GATAD2B: variants seen among roughly 807,000 people sequenced by gnomAD.
The protein encoded by GATAD2B is transcriptional repressor p66-beta.
Under a neutral mutation model 64.3 loss-of-function variants are expected in GATAD2B, and 8 were observed. The observed-to-expected ratio is 0.12, with a 90% CI of 0.07 to 0.22. The LOEUF is 0.22. Among genes scored for constraint, GATAD2B ranks in the 10% least tolerant of loss-of-function variants. The probability of loss-of-function intolerance (pLI) is 1.00; values close to 1 mark genes in which losing one functional copy is unlikely to be tolerated. For synonymous variants in GATAD2B, 281 were observed against 271.3 expected, an observed-to-expected ratio of 1.04 and a Z score of -0.35; for missense variants, 453 against 752.0, an observed-to-expected ratio of 0.60 and a Z score of 4.65.
rs1676215253 is a variant in GATAD2B, at chr1:153,859,824, G to A, written c.-1-31476C>T. ...CTTTAATAGCGTCCTAGTTTGGAGG[G>A]TAAATTATATGGTCATCCCTATCTC... On this transcript the variant is annotated intron_variant, in intron 1 of 10. Coordinates refer to ENST00000368655, the MANE Select transcript of GATAD2B (RefSeq NM_020699.4). 2.6e-5 allele frequency among the ~76,000 whole-genome samples: 4 copies of A among 151,018 alleles called. No individual in the cohort carries two copies. In the South Asian group the frequency reaches 6.3e-4, roughly 24 times the overall value.
intron 1 of GATAD2B, among the ~76,000 whole-genome samples, chr1:153,855,591 G>A (rs1676057332): frequency 6.6e-6 from 1 of 152,116 alleles, no homozygotes; most frequent in African/African-American, 2.4e-5. Context: ...AATACAAATT[G>A]TATTACCTTT....
At chr1:153,850,048 A>AT (rs1408601123) in intron 1 of GATAD2B, among the ~76,000 whole-genome samples, 2 of 151,922 alleles carry the variant, frequency 1.3e-5, no homozygotes, top group African/African-American at 4.8e-5. Context: ...CTGTTTTCTT[A>AT]TTTTTTGTCA....
intron 1 of GATAD2B, among the ~76,000 whole-genome samples, chr1:153,876,100 T>C (rs1676819395): frequency 6.6e-6 from 1 of 151,744 alleles, no homozygotes; most frequent in African/African-American, 2.4e-5. Flanking sequence ...TGGTGGCGCA[T>C]GCCTGTAGTC....
In GATAD2B at chr1:153,818,826, G is replaced by C. The variant is rs1429844215; in HGVS notation, c.562C>G (p.Gln188Glu). The part of the protein sequence containing the change: ...ARLVLLKKLR[Q>E]SQLQKENVVQ... The stretch of plus-strand genomic sequence containing the variant: ...ACATTCTCTTTCTGTAGCTGACTCT[G>C]TCTCAGTTTCTTTAACAGGACCAGT... The change falls in exon 4 of 11, where the codon CAG becomes GAG. Residue 188 changes from glutamine to glutamate, a missense_variant. Around this residue, in one of 2 missense-constraint regions of GATAD2B, gnomAD observed 293 missense variants for 417.2 expected, o/e 0.70. Transcript: ENST00000368655. 2 of 1,613,458 alleles carry C rather than the reference G, an allele frequency of 1.2e-6. No individual in the cohort carries two copies. The highest frequency in any genetic ancestry group is 1.7e-6 in the Non-Finnish European group (2 of 1,179,892).
At chr1:153,889,234 A>G (rs1249068755) in intron 1 of GATAD2B, among the ~76,000 whole-genome samples, 1 of 151,568 alleles carries the variant, frequency 6.6e-6, no homozygotes, top group Non-Finnish European at 1.5e-5. Context: ...CCAACATGGA[A>G]AAAACCTATC....
At chr1:153,903,909 G>A (rs920195473) in intron 1 of GATAD2B, among the ~76,000 whole-genome samples, 2 of 152,192 alleles carry the variant, frequency 1.3e-5, no homozygotes, top group East Asian at 1.9e-4. Context: ...ACCTGAGTTC[G>A]GGAAGTGAAG....
chr1:153,859,002 G>T (rs1676181569), intron 1 of GATAD2B, among the ~76,000 whole-genome samples: 1 of 152,146 alleles, frequency 6.6e-6, no homozygotes, highest in African/African-American at 2.4e-5. Flanking sequence ...GATGTTGCTT[G>T]AGACAGGATA....
chr1:153,893,075 C>T (rs1279814904), intron 1 of GATAD2B, among the ~76,000 whole-genome samples: 1 of 152,092 alleles, frequency 6.6e-6, no homozygotes, highest in East Asian at 1.9e-4. Context: ...TACCTAAACA[C>T]AGTACAAGAG....
At chr1:153,832,081 G>T (rs1030214291) in intron 1 of GATAD2B, among the ~76,000 whole-genome samples, 1 of 152,152 alleles carries the variant, frequency 6.6e-6, no homozygotes, top group African/African-American at 2.4e-5. Context: ...CGGGTGTTGT[G>T]GCACATGCCT....
At chr1:153,894,651 A>G (rs1677526595) in intron 1 of GATAD2B, among the ~76,000 whole-genome samples, 1 of 151,802 alleles carries the variant, frequency 6.6e-6, no homozygotes, top group Non-Finnish European at 1.5e-5. Flanking sequence ...TCACGAGGTC[A>G]GAAGATTGAG....
chr1:153,859,422 C>A (rs1242224128), intron 1 of GATAD2B, among the ~76,000 whole-genome samples: 1 of 150,414 alleles, frequency 6.6e-6, no homozygotes, highest in Non-Finnish European at 1.5e-5. Flanking sequence ...ATAACCCCGG[C>A]ACTTTGGGAG....
chr1:153,858,831 G>A (rs761374300), intron 1 of GATAD2B, among the ~76,000 whole-genome samples: 4 of 152,156 alleles, frequency 2.6e-5, no homozygotes, highest in Non-Finnish European at 5.9e-5. Flanking sequence ...ATGAAAAGGG[G>A]TCAGAGAGTG....
At chr1:153,876,315 T>C (rs1676833901) in intron 1 of GATAD2B, among the ~76,000 whole-genome samples, 1 of 148,316 alleles carries the variant, frequency 6.7e-6, no homozygotes, top group Admixed American at 6.8e-5. Flanking sequence ...CTGTCTTACC[T>C]GAGTCAATGT....
intron 1 of GATAD2B, among the ~76,000 whole-genome samples, chr1:153,859,419 C>T (rs117625583): frequency 0.014 from 2,080 of 150,870 alleles, 113 homozygotes; most frequent in East Asian, 0.096. Context: ...CCTATAACCC[C>T]GGCACTTTGG....
At chr1:153,838,144 T>A (rs534893430) in intron 1 of GATAD2B, among the ~76,000 whole-genome samples, 2 of 152,198 alleles carry the variant, frequency 1.3e-5, no homozygotes, top group Non-Finnish European at 2.9e-5. Flanking sequence ...TCTAGCTCAT[T>A]TCCAAAATCT....
Position 153,812,069 on chromosome 1 carries a change from T to C in GATAD2B, c.1483A>G (p.Ser495Gly), listed in dbSNP as rs1364279581. The C allele has an allele frequency of 6.2e-7, 1 of 1,613,330 alleles. No homozygotes were observed. Among genetic ancestry groups the C allele is most frequent in the Non-Finnish European group, 8.5e-7 (1 of 1,179,494 alleles). Residue 495 changes from serine to glycine, a missense_variant, in exon 9 of 11, where the codon AGT becomes GGT. Coordinates refer to ENST00000368655, the MANE Select transcript of GATAD2B (RefSeq NM_020699.4). ...ATGATGGTCTCTTGTTTACTGACAC[T>C]GGACACAGCTGGAGCCGTAGTGGGG... ...LSPTTAPAVS[S>G]VSKQETIMRH... is the part of the protein sequence containing the mutation.
intron 2 of GATAD2B, among the ~76,000 whole-genome samples, chr1:153,823,531 G>A (rs921925735): frequency 3.3e-5 from 5 of 151,916 alleles, no homozygotes; most frequent in African/African-American, 1.2e-4. Flanking sequence ...TTTTTTCTTG[G>A]TAGAGATGAG....
chr1:153,916,860 G>A lies in GATAD2B; in HGVS notation c.-2+5873C>T, dbSNP rs1678281170. ...GTCTCACTCTGTTGACCAGGCTAGAGCACAGTGGCACAATCTCGGCTCACT... is the reference window on the plus strand; with the variant it reads ...GTCTCACTCTGTTGACCAGGCTAGAACACAGTGGCACAATCTCGGCTCACT... On this transcript the variant is annotated intron_variant, in intron 1 of 10. Coordinates refer to ENST00000368655, the MANE Select transcript of GATAD2B (RefSeq NM_020699.4). Among the ~76,000 whole-genome samples the A allele has an allele frequency of 2.6e-5, 4 of 152,180 alleles. No homozygotes were observed. In the South Asian group the frequency reaches 8.4e-4, roughly 32 times the overall value.
intron 1 of GATAD2B, among the ~76,000 whole-genome samples, chr1:153,911,631 G>A (rs1375789364): frequency 6.6e-6 from 1 of 152,104 alleles, no homozygotes; most frequent in East Asian, 1.9e-4. Flanking sequence ...AGCTACTCGG[G>A]AGGCTGAGGC....
Sources: gnomAD v4.1 joint callset for allele counts (sites outside exome capture counted in the v4.1 genomes callset) on GRCh38, gnomAD v4.1.1 for gene constraint, gnomAD v4.1.1 regional missense constraint, MANE v1.5 for transcripts, NCBI Gene and HGNC (gene_info 2026-07-23, HGNC 2026-07-21) for gene names.